The following MDGA2 variants were observed in gnomAD, a reference collection of about 807,000 sequenced individuals.
The protein encoded by MDGA2 is MAM domain containing glycosylphosphatidylinositol anchor 2.
MDGA2 carries 40 observed loss-of-function variants against 117.8 expected under a neutral mutation model. The ratio of observed to expected loss-of-function variants is 0.34; its 90% confidence interval spans 0.26 to 0.44. The LOEUF (loss-of-function observed/expected upper bound fraction) is 0.44, where lower values mean the gene tolerates loss of function less well. MDGA2 is among the 20% of genes least tolerant of loss of function. The pLI is 1.00. For synonymous variants in MDGA2, 452 were observed against 439.0 expected, an observed-to-expected ratio of 1.03 and a Z score of -0.37; for missense variants, 1,123 against 1,250.6, an observed-to-expected ratio of 0.90 and a Z score of 1.54.
At chr14:46,955,447 TTA>T (rs1294672146) in intron 9 of MDGA2, among the ~76,000 whole-genome samples, 2 of 152,116 alleles carry the variant, frequency 1.3e-5, no homozygotes, top group African/African-American at 4.8e-5. Context: ...TTTTTTAGTA[TTA>T]TAGTTAATTA....
intron 5 of MDGA2, among the ~76,000 whole-genome samples, chr14:47,102,780 T>C (rs1440030216): frequency 1.3e-5 from 2 of 152,174 alleles, no homozygotes; most frequent in Non-Finnish European, 2.9e-5. Flanking sequence ...AACTTTCCCA[T>C]CTCATGCCCT....
chr14:47,086,668 A>T (rs1890914535), intron 6 of MDGA2, among the ~76,000 whole-genome samples: 1 of 152,140 alleles, frequency 6.6e-6, no homozygotes, highest in East Asian at 1.9e-4. Flanking sequence ...AAATAAGAAA[A>T]TGAAGTAAGT....
chr14:47,133,230 A>G lies in MDGA2; in HGVS notation c.793-1384T>C, dbSNP rs552610281. 3.3e-5 allele frequency among the ~76,000 whole-genome samples: 5 copies of G among 151,940 alleles called. 1 individual carries two copies. Among genetic ancestry groups the G allele is most frequent in the African/African-American group, 7.2e-5 (3 of 41,506 alleles). On this transcript the variant is annotated intron_variant, in intron 4 of 16. Transcript: ENST00000399232. ...CCGATACAAGTATACACATAAATCT[A>G]TATGTTTCTAGAGTTTATATATAAA...
intron 1 of MDGA2, among the ~76,000 whole-genome samples, chr14:47,651,195 C>A (rs1317524698): frequency 1.4e-5 from 2 of 141,788 alleles, no homozygotes; most frequent in Non-Finnish European, 3.0e-5. Context: ...AAGGGAGATT[C>A]TGTGTGTGTG....
At chr14:47,126,062 T>C (rs1203120453) in intron 5 of MDGA2, among the ~76,000 whole-genome samples, 1 of 152,024 alleles carries the variant, frequency 6.6e-6, no homozygotes, top group Non-Finnish European at 1.5e-5. Context: ...AATTTCAAAA[T>C]ACACCTATAT....
intron 1 of MDGA2, among the ~76,000 whole-genome samples, chr14:47,604,143 T>C (rs1004406560): frequency 2.6e-5 from 4 of 152,090 alleles, no homozygotes; most frequent in African/African-American, 9.7e-5. Context: ...CTCCAAGCCT[T>C]TGGAAGACTT....
intron 9 of MDGA2, among the ~76,000 whole-genome samples, chr14:46,933,799 AATATAT>A (rs34723414): frequency 0.014 from 1,199 of 86,614 alleles, 17 homozygotes; most frequent in African/African-American, 0.02. Flanking sequence ...TTATGTAACA[AATATAT>A]ATATATATAT....
At chr14:47,649,717 A>C (rs951785859) in intron 1 of MDGA2, among the ~76,000 whole-genome samples, 15 of 151,812 alleles carry the variant, frequency 9.9e-5, no homozygotes, top group African/African-American at 2.4e-5. Context: ...AAACAAAAAA[A>C]CCCCACAAAT....
chr14:47,584,877 C>T (rs1896295786), intron 1 of MDGA2, among the ~76,000 whole-genome samples: 1 of 151,756 alleles, frequency 6.6e-6, no homozygotes, highest in South Asian at 2.1e-4. Flanking sequence ...ATACCCTTCC[C>T]ACTTGCTCCC....
intron 1 of MDGA2, among the ~76,000 whole-genome samples, chr14:47,312,477 T>A (rs1425242495): frequency 6.6e-6 from 1 of 152,104 alleles, no homozygotes; most frequent in East Asian, 1.9e-4. Flanking sequence ...GAAGTGTCAT[T>A]AATAATGTTA....
intron 2 of MDGA2, among the ~76,000 whole-genome samples, chr14:47,232,673 A>T (rs1024039175): frequency 6.6e-6 from 1 of 152,136 alleles, no homozygotes; most frequent in Non-Finnish European, 1.5e-5. Flanking sequence ...CCTCCAGGGA[A>T]TTACCTGTGG....
rs558136892 is a variant in MDGA2 at position 46,882,362 on chromosome 14, A to G, written c.2239-141T>C. ...ACGTATTATTAAAGTTCAAGTTTCT[A>G]TAATGATAAACAAATTTTGAGATGT... On this transcript the variant is annotated intron_variant, in intron 10 of 16. Transcript: ENST00000399232. The G allele has an allele frequency of 1.3e-5, 9 of 674,486 alleles. No homozygotes were observed. The East Asian group carries it at 2.7e-4, about 20-fold the overall frequency. 41.8% of individuals were successfully genotyped at this position (674,486 alleles called of 1,614,324 possible).
chr14:47,122,208 TCA>T (rs1351921534), intron 5 of MDGA2, among the ~76,000 whole-genome samples: 3 of 152,046 alleles, frequency 2.0e-5, no homozygotes, highest in African/African-American at 7.2e-5. Flanking sequence ...GAAAGCAAAT[TCA>T]CAGAGTTGAA....
At chr14:47,586,124 C>T (rs1217074607) in intron 1 of MDGA2, among the ~76,000 whole-genome samples, 1 of 151,848 alleles carries the variant, frequency 6.6e-6, no homozygotes, top group Non-Finnish European at 1.5e-5. Context: ...ATCTCCATTT[C>T]CCACTTGGTC....
chr14:47,466,170 G>A (rs2138603599), intron 1 of MDGA2, among the ~76,000 whole-genome samples: 1 of 152,154 alleles, frequency 6.6e-6, no homozygotes, highest in South Asian at 2.1e-4. Flanking sequence ...TGTATGTGAG[G>A]GTGGAGGGTG....
At chr14:47,109,502 T>A (rs1036386171) in intron 5 of MDGA2, among the ~76,000 whole-genome samples, 2 of 152,298 alleles carry the variant, frequency 1.3e-5, no homozygotes, top group East Asian at 3.9e-4. Context: ...AAAAGGGTAG[T>A]GTTTTTCATC....
chr14:46,956,042 C>G (rs1377002281), intron 9 of MDGA2, among the ~76,000 whole-genome samples: 1 of 152,074 alleles, frequency 6.6e-6, no homozygotes, highest in Non-Finnish European at 1.5e-5. Flanking sequence ...ATCTGATATG[C>G]TTTCCTAGAT....
intron 8 of MDGA2, among the ~76,000 whole-genome samples, chr14:46,965,986 T>TTGTAA (rs148695447): frequency 9.9e-5 from 15 of 151,768 alleles, no homozygotes; most frequent in African/African-American, 3.4e-4. Flanking sequence ...TATATGACTC[T>TTGTAA]TATATTATTA....
chr14:47,054,658 T>C (rs779646671), intron 7 of MDGA2, among the ~76,000 whole-genome samples: 1 of 151,756 alleles, frequency 6.6e-6, no homozygotes, highest in African/African-American at 2.4e-5. Flanking sequence ...AACAGAGATA[T>C]AGACCAATGG....
Sources: allele counts gnomAD v4.1 joint callset (sites outside exome capture counted in the v4.1 genomes callset), GRCh38; gene constraint gnomAD v4.1.1; transcripts MANE v1.5; gene names NCBI Gene and HGNC (gene_info 2026-07-23, HGNC 2026-07-21).